CYP4V2: variants seen among roughly 807,000 people sequenced by gnomAD.
CYP4V2 encodes cytochrome P450 family 4 subfamily V member 2.
Under a neutral mutation model 60.8 loss-of-function variants are expected in CYP4V2, and 55 were observed. That is an observed-to-expected ratio of 0.90 (90% CI 0.73 to 1.13). The LOEUF (loss-of-function observed/expected upper bound fraction) is 1.13. Among genes scored for constraint, CYP4V2 ranks in the 50% most tolerant of loss-of-function variants. The pLI, the probability that CYP4V2 is intolerant of heterozygous loss-of-function variation, is 0.00. For missense variants in CYP4V2, 675 were observed against 662.9 expected (o/e 1.02, Z -0.20); for synonymous variants, 239 against 236.8 (o/e 1.01, Z -0.08).
rs1455954133 is a variant in CYP4V2, at chr4:186,205,181, T to C, written c.988-19T>C. The C allele has an allele frequency of 6.2e-7, 1 of 1,612,256 alleles. No homozygotes were observed. Reference sequence around the variant, plus strand: ...CAGCATAACTCTGCTTTTTAAGCTATTGTTTTCTGCATTTGTAGGGGCACG... The same window carrying C: ...CAGCATAACTCTGCTTTTTAAGCTACTGTTTTCTGCATTTGTAGGGGCACG... On this transcript the variant is annotated intron_variant, in intron 7 of 10. Transcript: ENST00000378802.
intron 8 of CYP4V2, among the ~76,000 whole-genome samples, chr4:186,205,791 C>T (rs1736479628): frequency 6.6e-6 from 1 of 152,194 alleles, no homozygotes; most frequent in Non-Finnish European, 1.5e-5. Context: ...TGTCCAGGGT[C>T]CCAGACTTGC....
At chr4:186,203,295 T>A (rs1205843122) in intron 7 of CYP4V2, 1 of 152,430 alleles carries the variant, frequency 6.6e-6, no homozygotes, top group East Asian at 1.9e-4. Context: ...CTAACATTCC[T>A]TGACATTCTA....
At position 186,211,759 on chromosome 4, in the gene CYP4V2, AATTAT is replaced by A. The variant is rs574084304; in HGVS notation, c.*1123_*1127del. 125 of 151,974 alleles carry A rather than the reference AATTAT, an allele frequency of 8.2e-4. No individual in the cohort carries two copies. The highest frequency in any genetic ancestry group is 2.9e-3 in the African/African-American group (122 of 41,466). 9.4% of individuals were successfully genotyped at this position (151,974 alleles called of 1,614,324 possible). A position where few individuals can be genotyped will look rare whatever the true frequency, so the allele number is the denominator to read the frequency against. ...CTGACTTCAGCTCTCAGGTTTTAAA[AATTAT>A]ATTAGTGGGACCAGTTATGACAAGA... On this transcript the variant is annotated 3_prime_UTR_variant, in exon 11 of 11. Coordinates refer to ENST00000378802, the MANE Select transcript of CYP4V2 (RefSeq NM_207352.4).
chr4:186,194,678 T>A (rs1441805719), intron 2 of CYP4V2, 66 bp downstream of exon 2: 19 of 1,418,754 alleles, frequency 1.3e-5, no homozygotes, highest in Non-Finnish European at 1.7e-5. Context: ...CTCACCAGAA[T>A]CAATATAACG....
In CYP4V2 at chr4:186,196,957, G is replaced by A. The variant is rs779534809; in HGVS notation, c.431G>A (p.Arg144His). 3.4e-5 allele frequency: 55 copies of A among 1,612,938 alleles called. No homozygotes were observed. The highest frequency in any genetic ancestry group is 3.7e-4 in the Middle Eastern group (2 of 5,408). ...GLLTSTGNKW[R>H]SRRKMLTPTF... ...ATTTCTAGTACTGGAAACAAATGGC[G>A]CTCCAGGAGAAAGATGTTAACACCC... is the stretch of plus-strand genomic sequence containing the variant. Residue 144 changes from arginine to histidine, a missense_variant, in exon 4 of 11, where the codon CGC becomes CAC. Coordinates refer to ENST00000378802, the MANE Select transcript of CYP4V2 (RefSeq NM_207352.4).
At position 186,195,046 on chromosome 4, in the gene CYP4V2, A is replaced by G. The variant is rs772905745; in HGVS notation, c.327+434A>G. Among the ~76,000 whole-genome samples the G allele has an allele frequency of 4.6e-4, 70 of 152,352 alleles. No homozygotes were observed. The highest frequency in any genetic ancestry group is 8.2e-4 in the Non-Finnish European group (56 of 68,032). On this transcript the variant is annotated intron_variant, in intron 2 of 10. Transcript: ENST00000378802. This position sits in a 1 kb window ranked among gnomAD's most constrained non-coding sequence, Gnocchi z 4.1. ...AAAAGACAATGCAAATTTGATATTT[A>G]TGGGATAAATATTACAAACCCATGC...
intron 7 of CYP4V2, chr4:186,201,974 A>G (rs926628452): frequency 6.6e-6 from 1 of 152,484 alleles, no homozygotes; most frequent in African/African-American, 2.4e-5. Context: ...CACATGGGGC[A>G]GAGTGAAAGG....
rs72646291 is a variant in CYP4V2, at chr4:186,209,195, G to A, written c.1328G>A (p.Arg443Gln). 1.1e-3 allele frequency: 1,696 copies of A among 1,614,002 alleles called. 5 individuals are homozygous for A. In the Middle Eastern group the frequency reaches 0.011, roughly 10 times the overall value. Residue 443 changes from arginine (R) to glutamine (Q), a missense_variant, in exon 10 of 11, where the codon CGG (arginine) becomes CAG (glutamine). Coordinates refer to ENST00000378802, the MANE Select transcript of CYP4V2 (RefSeq NM_207352.4). Reference protein sequence around the residue: ...FPNPEEFQPERFFPENAQGRH... With the variant: ...FPNPEEFQPEQFFPENAQGRH... The stretch of plus-strand genomic sequence containing the variant: ...AACCCCGAGGAGTTCCAGCCTGAGC[G>A]GTTCTTCCCCGAGAATGCACAAGGG...
rs570938882 is a variant in CYP4V2, at chr4:186,191,790, C to G, written c.-34C>G. On this transcript the variant is annotated 5_prime_UTR_variant, in exon 1 of 11. Coordinates refer to ENST00000378802, the MANE Select transcript of CYP4V2 (RefSeq NM_207352.4). ...CCACGCCCCCGCGGGCCCGCACTTT[C>G]CCGGAGTGCACCCCGCGGCCGCCAG... 3 of 1,498,042 alleles carry G rather than the reference C, an allele frequency of 2.0e-6. No individual in the cohort carries two copies. The highest frequency in any genetic ancestry group is 1.4e-5 in the African/African-American group (1 of 70,236). 92.8% of individuals were successfully genotyped at this position (1,498,042 alleles called of 1,614,324 possible). A position where few individuals can be genotyped will look rare whatever the true frequency, so the allele number is the denominator to read the frequency against.
rs781400516 is a variant in CYP4V2, at chr4:186,209,116, A to T, written c.1249A>T (p.Thr417Ser). 1.5e-5 allele frequency: 24 copies of T among 1,614,164 alleles called. No individual in the cohort carries two copies. The highest frequency in any genetic ancestry group is 1.9e-5 in the Non-Finnish European group (23 of 1,180,028). The change falls in exon 10 of 11, where the codon ACT becomes TCT. Residue 417 changes from threonine to serine, a missense_variant. Thr to Ser is a moderately conservative substitution (Grantham distance 58). Coordinates refer to ENST00000378802, the MANE Select transcript of CYP4V2 (RefSeq NM_207352.4). ...AGCAGGTTACAGAGTTCTAAAAGGC[A>T]CTGAAGCCGTCATCATTCCCTATGC... ...EVAGYRVLKG[T>S]EAVIIPYALH...
chr4:186,201,445 C>T, intron 7 of CYP4V2, 103 bp downstream of exon 7: 1 of 1,273,964 alleles, frequency 7.8e-7, no homozygotes, highest in Non-Finnish European at 1.1e-6. Flanking sequence ...AGTAGTTTAA[C>T]TAAAGAAGAT....
chr4:186,208,819 G>A (rs1561438004), intron 8 of CYP4V2, 46 bp from the exon 9 acceptor site: 2 of 1,613,912 alleles, frequency 1.2e-6, no homozygotes, highest in East Asian at 2.2e-5. Context: ...TGCACCCCCA[G>A]CCCCCACTGC....
intron 8 of CYP4V2, among the ~76,000 whole-genome samples, chr4:186,206,197 C>T (rs961569789): frequency 4.6e-5 from 7 of 152,102 alleles, no homozygotes; most frequent in Admixed American, 1.3e-4. Context: ...TGTGCACGCA[C>T]GTGCATGCAT....
chr4:186,192,382 A>G lies in CYP4V2; in HGVS notation c.214+345A>G, dbSNP rs1194153832. The G allele has an allele frequency of 1.2e-5, 6 of 497,726 alleles. No individual in the cohort carries two copies. In the Admixed American group the frequency reaches 1.4e-4, roughly 11 times the overall value. The allele number at this position is 497,726 out of a possible 1,614,324, so 30.8% of individuals were successfully genotyped here. A position where few individuals can be genotyped will look rare whatever the true frequency, so the allele number is the denominator to read the frequency against. ...TTAGGAACAGAAGCTCCCTGGGAGC[A>G]CAGAGCGGTTTTAAACTGGCCAACA... On this transcript the variant is annotated intron_variant, in intron 1 of 10. Coordinates refer to ENST00000378802, the MANE Select transcript of CYP4V2 (RefSeq NM_207352.4).
Position 186,211,846 on chromosome 4 carries a change from A to C in CYP4V2, c.*1205A>C, listed in dbSNP as rs1042283297. On this transcript the variant is annotated 3_prime_UTR_variant, in exon 11 of 11. Coordinates refer to ENST00000378802, the MANE Select transcript of CYP4V2 (RefSeq NM_207352.4). ...ACCTGGAGCAGATTATTTTAAGTTG[A>C]TTAGTAGGTTCTGTTACAGTTTTTC... is the stretch of plus-strand genomic sequence containing the variant. The C allele has an allele frequency of 6.6e-6, 1 of 152,142 alleles. No homozygotes were observed. The highest frequency in any genetic ancestry group is 1.5e-5 in the Non-Finnish European group (1 of 68,016). 9.4% of individuals were successfully genotyped at this position (152,142 alleles called of 1,614,324 possible).
chr4:186,206,198 G>A (rs7675304), intron 8 of CYP4V2, among the ~76,000 whole-genome samples: 3 of 152,042 alleles, frequency 2.0e-5, no homozygotes, highest in African/African-American at 4.8e-5. Flanking sequence ...GTGCACGCAC[G>A]TGCATGCATG....
At position 186,192,031 on chromosome 4, in the gene CYP4V2, G is replaced by T. The variant is rs780104160; in HGVS notation, c.208G>T (p.Gly70Trp). 1 of 1,576,064 alleles carries T rather than the reference G, an allele frequency of 6.3e-7. No individual in the cohort carries two copies. The highest frequency in any genetic ancestry group is 8.6e-7 in the Non-Finnish European group (1 of 1,166,228). Reference protein sequence around the residue: ...VGHALLMKPDGREFFQQIIEY... With the variant: ...VGHALLMKPDWREFFQQIIEY... The stretch of plus-strand genomic sequence containing the variant: ...CCACGCGCTGCTGATGAAGCCGGAC[G>T]GGCGAGGTAAGGGCCGGCGCTCCTC... The change falls in exon 1 of 11, where the codon GGG (glycine) becomes TGG (tryptophan). Residue 70 changes from glycine (G) to tryptophan (W), a missense_variant. Transcript: ENST00000378802.
intron 1 of CYP4V2, among the ~76,000 whole-genome samples, chr4:186,193,561 C>T (rs946551341): frequency 6.6e-5 from 10 of 152,070 alleles, no homozygotes; most frequent in Admixed American, 5.9e-4. Flanking sequence ...TTTCTTTCTC[C>T]TTTACTTGTT....
At chr4:186,205,973 G>A (rs1482252643) in intron 8 of CYP4V2, among the ~76,000 whole-genome samples, 1 of 152,192 alleles carries the variant, frequency 6.6e-6, no homozygotes, top group Non-Finnish European at 1.5e-5. Context: ...TCACAGCAGC[G>A]ACGTCTGTTC....
Sources: gnomAD v4.1 joint callset for allele counts (sites outside exome capture counted in the v4.1 genomes callset) on GRCh38, gnomAD v4.1.1 for gene constraint, Gnocchi (gnomAD v3.1) non-coding constraint, MANE v1.5 for transcripts, NCBI Gene and HGNC (gene_info 2026-07-23, HGNC 2026-07-21) for gene names.